ZFYVE16: variants seen among roughly 807,000 people sequenced by gnomAD.
The protein encoded by ZFYVE16 is zinc finger FYVE-type containing 16.
In ZFYVE16, 89 loss-of-function variants were observed where a neutral mutation model predicts 138.1. The observed-to-expected ratio is 0.64, with a 90% CI of 0.54 to 0.77. ZFYVE16 has a LOEUF of 0.77. Among genes scored for constraint, ZFYVE16 ranks in the 30% least tolerant of loss-of-function variants. ZFYVE16 has a pLI of 0.00. For missense variants in ZFYVE16, 1,793 were observed against 1,786.7 expected, an observed-to-expected ratio of 1.00 and a Z score of -0.06; for synonymous variants, 596 against 618.3, an observed-to-expected ratio of 0.96 and a Z score of 0.53.
chr5:80,472,688 T>A, intron 15 of ZFYVE16, 73 bp from the exon 16 acceptor site: 1 of 1,401,424 alleles, frequency 7.1e-7, no homozygotes, highest in African/African-American at 1.4e-5. Context: ...CATATTTTGA[T>A]AGCAAATTTT....
rs1159690136 is a variant in ZFYVE16, at chr5:80,438,526, A to G, written c.1841A>G (p.Lys614Arg). 6.2e-7 allele frequency: 1 copy of G among 1,613,872 alleles called. No individual in the cohort carries two copies. Among genetic ancestry groups the G allele is most frequent in the Non-Finnish European group, 8.5e-7 (1 of 1,179,916 alleles). The change falls in exon 4 of 19, where the codon AAA (lysine) becomes AGA (arginine). Residue 614 changes from lysine to arginine, a missense_variant. Transcript: ENST00000505560. Reference sequence around the variant, plus strand: ...GAAAATGGCCTTTCTTTAGGAGAAAAAAGCACTATTCCAGTTCAACAAGGG... The same window carrying G: ...GAAAATGGCCTTTCTTTAGGAGAAAGAAGCACTATTCCAGTTCAACAAGGG... The part of the protein sequence containing the change: ...TIENGLSLGE[K>R]STIPVQQGLP...
rs1015233258 is a variant in ZFYVE16, at chr5:80,480,615, A to G, written c.*3238A>G. Among the ~76,000 whole-genome samples, 3 of 152,158 alleles carry G rather than the reference A, an allele frequency of 2.0e-5. No homozygotes were observed. Among genetic ancestry groups the G allele is most frequent in the African/African-American group, 7.2e-5 (3 of 41,438 alleles). On this transcript the variant is annotated 3_prime_UTR_variant, in exon 19 of 19. Transcript: ENST00000505560. ...AGACAAATCCCAAACAGAATAAACT[A>G]GAAAATCCACACATAGACACATAAT...
chr5:80,426,866 T>C (rs2112269950), intron 1 of ZFYVE16, among the ~76,000 whole-genome samples: 1 of 152,238 alleles, frequency 6.6e-6, no homozygotes, highest in East Asian at 1.9e-4. Context: ...CGCTACACTG[T>C]CTTTGCATAG....
intron 1 of ZFYVE16, among the ~76,000 whole-genome samples, chr5:80,416,652 T>G (rs1289264607): frequency 6.6e-6 from 1 of 152,032 alleles, no homozygotes; most frequent in African/African-American, 2.4e-5. Flanking sequence ...ACTTGGGTCT[T>G]GTATCTCTTT....
At chr5:80,434,529 T>C (rs1427102917) in intron 3 of ZFYVE16, among the ~76,000 whole-genome samples, 2 of 152,210 alleles carry the variant, frequency 1.3e-5, no homozygotes, top group Non-Finnish European at 2.9e-5. Flanking sequence ...CAGGCTGAAG[T>C]GCAGTGGCAC....
chr5:80,461,446 T>G (rs1433367668), intron 15 of ZFYVE16, among the ~76,000 whole-genome samples: 1 of 152,234 alleles, frequency 6.6e-6, no homozygotes, highest in Non-Finnish European at 1.5e-5. Context: ...TATGAATATT[T>G]TCAGTTCTTT....
intron 2 of ZFYVE16, among the ~76,000 whole-genome samples, chr5:80,429,003 C>A (rs1431418291): frequency 6.6e-6 from 1 of 152,136 alleles, no homozygotes; most frequent in East Asian, 1.9e-4. Context: ...AAGTGACTGG[C>A]AGAATGGAAC....
chr5:80,441,202 A>C (rs1053825723), intron 5 of ZFYVE16: 2 of 985,358 alleles, frequency 2.0e-6, no homozygotes, highest in African/African-American at 3.5e-5. Flanking sequence ...CCCACTTAAA[A>C]AGAAATTAAA....
intron 11 of ZFYVE16, among the ~76,000 whole-genome samples, chr5:80,453,090 G>A (rs770851043): frequency 6.6e-6 from 1 of 152,146 alleles, no homozygotes; most frequent in Non-Finnish European, 1.5e-5. Flanking sequence ...ATGTTGAGAA[G>A]CTATAAAAGT....
chr5:80,425,291 C>T (rs1747833333), intron 1 of ZFYVE16, among the ~76,000 whole-genome samples: 1 of 152,188 alleles, frequency 6.6e-6, no homozygotes, highest in African/African-American at 2.4e-5. Context: ...TCAGTTCTCT[C>T]TTAAGCTCTG....
At chr5:80,429,446 G>A (rs1464589758) in intron 2 of ZFYVE16, among the ~76,000 whole-genome samples, 1 of 152,198 alleles carries the variant, frequency 6.6e-6, no homozygotes, top group Non-Finnish European at 1.5e-5. Context: ...AGCTCCTGAA[G>A]GGAGCACTAA....
intron 15 of ZFYVE16, 98 bp downstream of exon 15, chr5:80,459,592 T>A: frequency 9.9e-7 from 1 of 1,007,316 alleles, no homozygotes; most frequent in Non-Finnish European, 1.5e-6. Flanking sequence ...ATGTAAGTTA[T>A]AAAGCACAGT....
rs372767661 is a variant in ZFYVE16 at position 80,451,533 on chromosome 5, T to C, written c.3431T>C (p.Leu1144Pro). The C allele has an allele frequency of 4.0e-5, 65 of 1,613,612 alleles. No individual in the cohort carries two copies. Among genetic ancestry groups the C allele is most frequent in the Non-Finnish European group, 5.5e-5 (65 of 1,179,878 alleles). The change falls in exon 11 of 19, where the codon CTC (leucine) becomes CCC (proline). Residue 1144 changes from leucine to proline, a missense_variant. Physicochemically the swap from Leu to Pro is moderately conservative, Grantham distance 98. Around this residue, in one of 2 missense-constraint regions of ZFYVE16, gnomAD observed 498 missense variants for 582.4 expected, o/e 0.86. Transcript: ENST00000505560. ...AATATTACCTTTACTGAGAGTTTTC[T>C]CAGTAGCAAGGATCACGGAGGATTC... Reference protein sequence around the residue: ...LDNITFTESFLSSKDHGGFLF... With the variant: ...LDNITFTESFPSSKDHGGFLF...
intron 6 of ZFYVE16, among the ~76,000 whole-genome samples, chr5:80,444,617 T>A (rs892046945): frequency 2.0e-5 from 3 of 151,998 alleles, no homozygotes; most frequent in Non-Finnish European, 4.4e-5. Context: ...ATCCACATTA[T>A]AAGAACAAAA....
At chr5:80,468,346 A>G (rs1329725660) in intron 15 of ZFYVE16, among the ~76,000 whole-genome samples, 1 of 152,206 alleles carries the variant, frequency 6.6e-6, no homozygotes, top group African/African-American at 2.4e-5. Flanking sequence ...TCATTGTGCA[A>G]ACTTCATAGA....
At chr5:80,476,236 CTCCCCCATA>C (rs1374230314) in intron 18 of ZFYVE16, among the ~76,000 whole-genome samples, 1 of 152,194 alleles carries the variant, frequency 6.6e-6, no homozygotes, top group East Asian at 1.9e-4. Flanking sequence ...CGCACCTGGC[CTCCCCCATA>C]TCCTTATCAA....
rs941049137 is a variant in ZFYVE16, at chr5:80,445,801, C to T, written c.2724+396C>T. Among the ~76,000 whole-genome samples the T allele has an allele frequency of 4.0e-5, 6 of 151,398 alleles. No homozygotes were observed. The East Asian group carries it at 1.2e-3, about 29-fold the overall frequency. On this transcript the variant is annotated intron_variant, in intron 7 of 18. Transcript: ENST00000505560. ...AGAGATGTGGTCTCACTATTTTGCC[C>T]AGGCTGGTCTCAAACTCCTGATCTT...
chr5:80,459,736 A>G (rs537660170), intron 15 of ZFYVE16, among the ~76,000 whole-genome samples: 3 of 152,274 alleles, frequency 2.0e-5, no homozygotes, highest in Admixed American at 6.5e-5. Flanking sequence ...TTTACTTTGT[A>G]TATACATCTG....
chr5:80,417,411 T>A (rs973788099), intron 1 of ZFYVE16, among the ~76,000 whole-genome samples: 3 of 152,250 alleles, frequency 2.0e-5, no homozygotes, highest in Admixed American at 1.3e-4. Flanking sequence ...TTATTCTTTA[T>A]GCTTTGAAGT....
Sources: allele counts gnomAD v4.1 joint callset (sites outside exome capture counted in the v4.1 genomes callset), GRCh38; gene constraint gnomAD v4.1.1; regional missense constraint gnomAD v4.1.1; transcripts MANE v1.5; gene names NCBI Gene and HGNC (gene_info 2026-07-23, HGNC 2026-07-21).